Variants in DHTKD1 observed in about 807,000 individuals in gnomAD.
The protein encoded by DHTKD1 is dehydrogenase E1 and transketolase domain containing 1, also known as 2-oxoadipate dehydrogenase complex component E1.
Under a neutral mutation model 101.8 loss-of-function variants are expected in DHTKD1, and 78 were observed. That is an observed-to-expected ratio of 0.77 (90% CI 0.64 to 0.93). The LOEUF (loss-of-function observed/expected upper bound fraction) is 0.93, where lower values mean the gene tolerates loss of function less well. DHTKD1 is among the 40% of genes least tolerant of loss of function. The pLI, the probability that DHTKD1 is intolerant of heterozygous loss-of-function variation, is 0.00. For missense variants in DHTKD1, 1,223 were observed against 1,161.7 expected (o/e 1.05, Z -0.77); for synonymous variants, 462 against 450.3 (o/e 1.03, Z -0.33).
chr10:12,079,493 C>T (rs1475729900), intron 1 of DHTKD1, among the ~76,000 whole-genome samples: 2 of 151,940 alleles, frequency 1.3e-5, no homozygotes, highest in Non-Finnish European at 2.9e-5. Flanking sequence ...CATAGTGAAA[C>T]CCCATCTCTA....
At chr10:12,083,153 G>C (rs111531028) in intron 2 of DHTKD1, among the ~76,000 whole-genome samples, 2 of 145,666 alleles carry the variant, frequency 1.4e-5, no homozygotes, top group Non-Finnish European at 3.0e-5. Flanking sequence ...GCGAGACTCC[G>C]TCTCAAAAAA....
chr10:12,088,670 G>A (rs1351992087), intron 4 of DHTKD1, among the ~76,000 whole-genome samples: 2 of 151,830 alleles, frequency 1.3e-5, no homozygotes, highest in Admixed American at 1.3e-4. Flanking sequence ...TGCAACCTCC[G>A]CCTCCCAGGT....
intron 14 of DHTKD1, among the ~76,000 whole-genome samples, 169 bp from the exon 15 acceptor site, chr10:12,118,580 C>T (rs541809331): frequency 6.6e-6 from 1 of 152,036 alleles, no homozygotes; most frequent in African/African-American, 2.4e-5. Flanking sequence ...GACAGGGTTT[C>T]ACCGTGTTAG....
rs1434432747 is a variant in DHTKD1, at chr10:12,122,072, G to C, written c.*1184G>C. 1 of 152,094 alleles carries C rather than the reference G, an allele frequency of 6.6e-6. No homozygotes were observed. Among genetic ancestry groups the C allele is most frequent in the Non-Finnish European group, 1.5e-5 (1 of 68,032 alleles). The allele number at this position is 152,094 out of a possible 1,614,324, so 9.4% of individuals were successfully genotyped here. A position where few individuals can be genotyped will look rare whatever the true frequency, so the allele number is the denominator to read the frequency against. ...TGTCTCCCCAACACTAGCAAATCTA[G>C]GTCCTACTAAATACAAATCTCTGGG... On this transcript the variant is annotated 3_prime_UTR_variant, in exon 17 of 17. Transcript: ENST00000263035.
chr10:12,078,789 C>T (rs1832771965), intron 1 of DHTKD1, among the ~76,000 whole-genome samples: 1 of 152,114 alleles, frequency 6.6e-6, no homozygotes, highest in African/African-American at 2.4e-5. Flanking sequence ...CAGCGATTCT[C>T]CTGCCTCAGC....
intron 10 of DHTKD1, among the ~76,000 whole-genome samples, chr10:12,105,050 G>T (rs1588615111): frequency 6.6e-6 from 1 of 151,738 alleles, no homozygotes; most frequent in Non-Finnish European, 1.5e-5. Context: ...TGTAGAGACT[G>T]GGTTTCACCA....
At chr10:12,118,019 A>G (rs1833447724) in intron 14 of DHTKD1, among the ~76,000 whole-genome samples, 1 of 151,952 alleles carries the variant, frequency 6.6e-6, no homozygotes, top group South Asian at 2.1e-4. Flanking sequence ...CCTCCCAAGT[A>G]GCTGGGATTA....
At chr10:12,119,428 A>G (rs374038615) in intron 15 of DHTKD1, among the ~76,000 whole-genome samples, 4 of 151,286 alleles carry the variant, frequency 2.6e-5, no homozygotes, top group East Asian at 3.9e-4. Flanking sequence ...ATCCTGGCTA[A>G]CACAGTGAAA....
In DHTKD1 at chr10:12,081,545, C is replaced by G; in HGVS notation, c.228C>G (p.Leu76=). The change falls in exon 2 of 17, where the codon CTC becomes CTG. Residue 76 remains leucine (L), a synonymous_variant. Transcript: ENST00000263035. ...HGHKAAKINP[L]FTGQALLENV... ...ATAAAGCTGCCAAAATCAACCCCCT[C>G]TTCACCGGACAAGCCCTGCTGGAGA... The G allele has an allele frequency of 6.2e-7, 1 of 1,614,176 alleles. No homozygotes were observed. The highest frequency in any genetic ancestry group is 8.5e-7 in the Non-Finnish European group (1 of 1,180,026).
chr10:12,097,612 C>A (rs1224130483), intron 7 of DHTKD1, 72 bp from the exon 8 acceptor site: 1 of 1,358,128 alleles, frequency 7.4e-7, no homozygotes, highest in Non-Finnish European at 1.0e-6. Context: ...CCGCCCTTGA[C>A]AGTGACTCTC....
chr10:12,097,959 T>C lies in DHTKD1; in HGVS notation c.1634T>C (p.Leu545Pro), dbSNP rs1254332921. The change falls in exon 8 of 17, where the codon CTG becomes CCG. Residue 545 changes from leucine (L) to proline (P), a missense_variant. Leu to Pro is a moderately conservative substitution (Grantham distance 98). Coordinates refer to ENST00000263035, the MANE Select transcript of DHTKD1 (RefSeq NM_018706.7). ...AAGTCTGTAGAGGTGCCAAGAGAGC[T>C]GCAGATGCACAGTCACCTGCTGAAG... The part of the protein sequence containing the change: ...GMKSVEVPRE[L>P]QMHSHLLKTH... 6.2e-7 allele frequency: 1 copy of C among 1,613,550 alleles called. No homozygotes were observed. The highest frequency in any genetic ancestry group is 8.5e-7 in the Non-Finnish European group (1 of 1,179,586).
intron 5 of DHTKD1, among the ~76,000 whole-genome samples, chr10:12,090,367 C>CCCTT (rs146617945): frequency 4.3e-5 from 4 of 92,546 alleles, no homozygotes; most frequent in African/African-American, 9.5e-5. Context: ...GGCCCTCCCT[C>CCCTT]CCTTCCTTCC....
At position 12,093,074 on chromosome 10, in the gene DHTKD1, G is replaced by A. The variant is rs574073507; in HGVS notation, c.1160-999G>A. Among the ~76,000 whole-genome samples the A allele has an allele frequency of 6.6e-4, 95 of 143,380 alleles. 1 individual carries two copies. The South Asian group carries it at 0.012, about 19-fold the overall frequency. 94.1% of individuals were successfully genotyped at this position (143,380 alleles called of 152,430 possible). ...TTTTTTTTTTTTGAGATGGAGTTTC[G>A]CTCTTGTTGCCCACGCTGCAGTGCA... On this transcript the variant is annotated intron_variant, in intron 6 of 16. Coordinates refer to ENST00000263035, the MANE Select transcript of DHTKD1 (RefSeq NM_018706.7).
chr10:12,091,411 C>CAA (rs71382619), intron 5 of DHTKD1, 102 bp from the exon 6 acceptor site: 5,631 of 192,230 alleles, frequency 0.029, 4 homozygotes, highest in Middle Eastern at 0.05. Context: ...GACTCTGTCT[C>CAA]AAAAAAAAAA....
chr10:12,106,698 C>G (rs954305670), intron 11 of DHTKD1, among the ~76,000 whole-genome samples: 1 of 152,206 alleles, frequency 6.6e-6, no homozygotes, highest in African/African-American at 2.4e-5. Context: ...GAAGCAGTAC[C>G]TGCTCACCGT....
intron 5 of DHTKD1, 123 bp downstream of exon 5, chr10:12,089,378 G>C: frequency 1.0e-6 from 1 of 972,296 alleles, no homozygotes; most frequent in Non-Finnish European, 1.5e-6. Context: ...TTTGGAAAAA[G>C]ATTCTGGGAT....
chr10:12,119,720 C>T, intron 15 of DHTKD1, among the ~76,000 whole-genome samples: 1 of 151,760 alleles, frequency 6.6e-6, no homozygotes, highest in East Asian at 1.9e-4. Flanking sequence ...CTAATGGATG[C>T]TGGGTTAATA....
chr10:12,075,780 TTTCA>T (rs1349609848), intron 1 of DHTKD1, among the ~76,000 whole-genome samples: 2 of 152,200 alleles, frequency 1.3e-5, no homozygotes, highest in East Asian at 3.8e-4. Flanking sequence ...AATCTTTTAA[TTTCA>T]TTCTTTATTA....
intron 11 of DHTKD1, 65 bp downstream of exon 11, chr10:12,106,461 CAAAT>C: frequency 1.3e-6 from 2 of 1,591,232 alleles, no homozygotes; most frequent in Admixed American, 1.7e-5. Context: ...CTCGTGGGGA[CAAAT>C]GAATGAAAAG....
Sources: gnomAD v4.1 joint callset for allele counts (sites outside exome capture counted in the v4.1 genomes callset) on GRCh38, gnomAD v4.1.1 for gene constraint, MANE v1.5 for transcripts, NCBI Gene and HGNC (gene_info 2026-07-23, HGNC 2026-07-21) for gene names.